CA12: variants seen among roughly 807,000 people sequenced by gnomAD.
The protein encoded by CA12 is carbonate dehydratase XII.
A neutral mutation model predicts 46.8 loss-of-function variants in CA12; 36 were observed. The ratio of observed to expected loss-of-function variants is 0.77; its 90% CI spans 0.59 to 1.02. CA12 has a LOEUF of 1.02. CA12 is among the 50% of genes least tolerant of loss of function. The pLI is 0.00. For missense variants in CA12, 436 were observed against 451.4 expected (o/e 0.97, Z 0.31); for synonymous variants, 202 against 187.0 (o/e 1.08, Z -0.65).
intron 2 of CA12, among the ~76,000 whole-genome samples, chr15:63,362,630 C>T (rs1014561973): frequency 1.1e-4 from 17 of 152,170 alleles, no homozygotes; most frequent in Admixed American, 4.6e-4. Context: ...TGAAGTTCCC[C>T]AGGATGAAGC....
intron 2 of CA12, among the ~76,000 whole-genome samples, chr15:63,358,795 G>C (rs2039323850): frequency 6.6e-6 from 1 of 152,102 alleles, no homozygotes; most frequent in Admixed American, 6.5e-5. Flanking sequence ...TCAAAGAACT[G>C]TGTGCATACC....
intron 2 of CA12, among the ~76,000 whole-genome samples, chr15:63,350,475 C>T (rs1196259769): frequency 6.6e-6 from 1 of 152,200 alleles, no homozygotes; most frequent in South Asian, 2.1e-4. Context: ...GTTTTGACTT[C>T]GCCTCTCCAG....
At chr15:63,336,423 G>C (rs1367287939) in intron 8 of CA12, among the ~76,000 whole-genome samples, 2 of 151,774 alleles carry the variant, frequency 1.3e-5, no homozygotes, top group Admixed American at 6.6e-5. Context: ...CTGATCCTCT[G>C]TAACTGCCCT....
At chr15:63,376,617 T>G (rs543043840) in intron 1 of CA12, among the ~76,000 whole-genome samples, 21 of 151,226 alleles carry the variant, frequency 1.4e-4, no homozygotes, top group South Asian at 2.1e-4. Context: ...TCTCTCGCTC[T>G]CTCTCTTTCT....
In CA12 at chr15:63,346,582, G is replaced by T; in HGVS notation, c.234C>A (p.Gly78=). The change falls in exon 3 of 11, where the codon GGC becomes GGA. Residue 78 remains glycine, a synonymous_variant. Transcript: ENST00000178638. ...ACTGCTTGTTGGCAGACAGATTGTA[G>T]CCTTGGAACTCGAGGGGCGTGAGGC... ...DASLTPLEFQ[G]YNLSANKQFL... 2 of 1,614,124 alleles carry T rather than the reference G, an allele frequency of 1.2e-6. No individual in the cohort carries two copies. The highest frequency in any genetic ancestry group is 1.7e-6 in the Non-Finnish European group (2 of 1,180,030).
At chr15:63,380,524 G>T (rs1331812398) in intron 1 of CA12, among the ~76,000 whole-genome samples, 1 of 152,204 alleles carries the variant, frequency 6.6e-6, no homozygotes, top group Non-Finnish European at 1.5e-5. Context: ...AAAGTTTGTG[G>T]TTTTAAAACT....
intron 2 of CA12, among the ~76,000 whole-genome samples, chr15:63,368,117 T>C (rs1221249730): frequency 6.6e-6 from 1 of 152,254 alleles, no homozygotes; most frequent in Non-Finnish European, 1.5e-5. Flanking sequence ...GCATCTAACA[T>C]GGTGCTTCTC....
intron 8 of CA12, among the ~76,000 whole-genome samples, chr15:63,336,358 G>A (rs2039003764): frequency 6.6e-6 from 1 of 152,094 alleles, no homozygotes. Flanking sequence ...ATAGTCCATC[G>A]TTACAAGCGG....
chr15:63,327,466 A>G lies in CA12; in HGVS notation c.908-233T>C, dbSNP rs956280773. Among the ~76,000 whole-genome samples the G allele has an allele frequency of 6.6e-6, 1 of 150,986 alleles. No individual in the cohort carries two copies. Among genetic ancestry groups the G allele is most frequent in the Non-Finnish European group, 1.5e-5 (1 of 67,938 alleles). ...CCAGCAGATGCTCTCAAACTTACAC[A>G]AGGGTCATCTGAAGAGCTTGTTTAA... On this transcript the variant is annotated intron_variant, in intron 9 of 10. Transcript: ENST00000178638. The surrounding 1 kb of genome is among the most constrained non-coding windows in gnomAD (Gnocchi z 4.5).
chr15:63,368,852 TC>T (rs1262718077), intron 2 of CA12, among the ~76,000 whole-genome samples: 1 of 152,218 alleles, frequency 6.6e-6, no homozygotes, highest in African/African-American at 2.4e-5. Flanking sequence ...CTGGTGTCAA[TC>T]CCAAATAGCT....
At chr15:63,367,411 T>A (rs1028548525) in intron 2 of CA12, among the ~76,000 whole-genome samples, 2 of 152,202 alleles carry the variant, frequency 1.3e-5, no homozygotes, top group African/African-American at 4.8e-5. Flanking sequence ...CCATTTCTGA[T>A]AGAGTTTCCA....
rs762065688 is a variant in CA12, at chr15:63,345,005, A to G, written c.429+472T>C. ...TGGCCAGGTAGAAGGGTGGCCCTAG[A>G]CCCATGTCCCCATGTTCTAAACACA... On this transcript the variant is annotated intron_variant, in intron 4 of 10. Transcript: ENST00000178638. This position sits in a 1 kb window ranked among gnomAD's most constrained non-coding sequence, Gnocchi z 4.3. Among the ~76,000 whole-genome samples the G allele has an allele frequency of 1.3e-5, 2 of 152,084 alleles. No individual in the cohort carries two copies. Among genetic ancestry groups the G allele is most frequent in the Non-Finnish European group, 2.9e-5 (2 of 68,012 alleles).
intron 4 of CA12, among the ~76,000 whole-genome samples, chr15:63,344,597 A>G (rs147546870): frequency 1.6e-4 from 25 of 152,326 alleles, no homozygotes; most frequent in Non-Finnish European, 3.4e-4. Context: ...CATGCTTGCA[A>G]GTAGACCTAT....
rs2039082949 is a variant in CA12 at position 63,341,853 on chromosome 15, A to T, written c.525+149T>A. 1 of 682,654 alleles carries T rather than the reference A, an allele frequency of 1.5e-6. No homozygotes were observed. The allele number at this position is 682,654 out of a possible 1,614,324, so 42.3% of individuals were successfully genotyped here. A position where few individuals can be genotyped will look rare whatever the true frequency, so the allele number is the denominator to read the frequency against. On this transcript the variant is annotated intron_variant, in intron 5 of 10. Coordinates refer to ENST00000178638, the MANE Select transcript of CA12 (RefSeq NM_001218.5). The surrounding 1 kb of genome is among the most constrained non-coding windows in gnomAD (Gnocchi z 5.2). The stretch of plus-strand genomic sequence containing the variant: ...GCCTCCAGGCCAAGAGAGAAGGTGC[A>T]CTACAGGAGGATACCCCCTGCTCTG...
At chr15:63,361,163 T>G (rs2039357979) in intron 2 of CA12, among the ~76,000 whole-genome samples, 1 of 152,190 alleles carries the variant, frequency 6.6e-6, no homozygotes, top group Non-Finnish European at 1.5e-5. Flanking sequence ...CCTACACAGA[T>G]GTGAGGCAGG....
At position 63,340,427 on chromosome 15, in the gene CA12, G is replaced by A. The variant is rs149993127; in HGVS notation, c.608C>T (p.Pro203Leu). ...AAGCAGCTCTTCAATGTTGAATCCC[G>A]GGACGAATGCTTCCTGGCCTAGAGA... ...VKYKGQEAFV[P>L]GFNIEELLPE... Residue 203 changes from proline to leucine, a missense_variant, in exon 7 of 11, where the codon CCG (proline) becomes CTG (leucine). Coordinates refer to ENST00000178638, the MANE Select transcript of CA12 (RefSeq NM_001218.5). This position sits in a 1 kb window ranked among gnomAD's most constrained non-coding sequence, Gnocchi z 4.4. The A allele has an allele frequency of 3.5e-5, 56 of 1,614,154 alleles. No individual in the cohort carries two copies. In the Middle Eastern group the frequency reaches 6.6e-4, roughly 19 times the overall value.
intron 2 of CA12, among the ~76,000 whole-genome samples, chr15:63,371,423 G>A (rs915160853): frequency 1.6e-4 from 25 of 152,258 alleles, no homozygotes; most frequent in Non-Finnish European, 3.1e-4. Flanking sequence ...CTGGCCTGCC[G>A]CAACAGAGAA....
chr15:63,335,841 G>T (rs918230755), intron 8 of CA12, among the ~76,000 whole-genome samples: 1 of 152,148 alleles, frequency 6.6e-6, no homozygotes, highest in African/African-American at 2.4e-5. Context: ...ACAGTCTGAG[G>T]CCTGCTCCGA....
intron 2 of CA12, among the ~76,000 whole-genome samples, chr15:63,364,539 C>A (rs2039414768): frequency 6.6e-6 from 1 of 152,072 alleles, no homozygotes; most frequent in Non-Finnish European, 1.5e-5. Context: ...CATCTAAAAA[C>A]ACAAATACGC....
Sources: gnomAD v4.1 joint callset for allele counts (sites outside exome capture counted in the v4.1 genomes callset) on GRCh38, gnomAD v4.1.1 for gene constraint, Gnocchi (gnomAD v3.1) non-coding constraint, MANE v1.5 for transcripts, NCBI Gene and HGNC (gene_info 2026-07-23, HGNC 2026-07-21) for gene names.